Variants in CD109 observed in about 807,000 individuals in gnomAD.
The protein encoded by CD109 is CD109 molecule.
CD109 carries 149 observed loss-of-function variants against 165.8 expected under a neutral mutation model. The observed-to-expected ratio is 0.90, with a 90% confidence interval of 0.79 to 1.03. The LOEUF is 1.03. Ranked by LOEUF, CD109 falls within the 50% of genes least tolerant of loss-of-function variation. CD109 has a pLI of 0.00. For missense variants in CD109, 1,712 were observed against 1,677.8 expected (o/e 1.02, Z -0.36); for synonymous variants, 585 against 592.1 (o/e 0.99, Z 0.18).
chr6:73,708,330 AT>A (rs956820420), intron 2 of CD109, among the ~76,000 whole-genome samples: 2 of 152,132 alleles, frequency 1.3e-5, no homozygotes, highest in African/African-American at 4.8e-5. Context: ...ACATGAACTC[AT>A]CATTTTTTAT....
At chr6:73,745,396 T>C (rs1267594578) in intron 5 of CD109, among the ~76,000 whole-genome samples, 1 of 152,194 alleles carries the variant, frequency 6.6e-6, no homozygotes, top group Non-Finnish European at 1.5e-5. Flanking sequence ...TGAGTCATCA[T>C]GCCTGGCCAG....
upstream of CD109, among the ~76,000 whole-genome samples, chr6:73,693,622 C>T (rs1030883225): frequency 6.6e-6 from 1 of 152,232 alleles, no homozygotes; most frequent in African/African-American, 2.4e-5. Context: ...ACCATCTTGG[C>T]TCACTGCAGC....
chr6:73,728,962 C>T (rs1772242637), intron 3 of CD109, among the ~76,000 whole-genome samples: 1 of 152,180 alleles, frequency 6.6e-6, no homozygotes, highest in Non-Finnish European at 1.5e-5. Flanking sequence ...TTTGGAGTCT[C>T]ACGAGGTTGC....
intron 15 of CD109, among the ~76,000 whole-genome samples, chr6:73,773,306 G>T (rs920853916): frequency 2.0e-5 from 3 of 151,032 alleles, no homozygotes; most frequent in African/African-American, 7.3e-5. Context: ...TATTTTCCTG[G>T]TGTATTTTTA....
At chr6:73,740,252 CA>C (rs1772721439) in intron 5 of CD109, among the ~76,000 whole-genome samples, 1 of 152,174 alleles carries the variant, frequency 6.6e-6, no homozygotes, top group Non-Finnish European at 1.5e-5. Context: ...CACTGATGGA[CA>C]ATCTCTTTAA....
At chr6:73,695,830 A>T (rs535698880), upstream of CD109, 595 of 268,766 alleles carry the variant, frequency 2.2e-3, no homozygotes, top group Non-Finnish European at 3.2e-3. Flanking sequence ...CTGTTTACTC[A>T]CCCTGGGCAT....
intron 23 of CD109, 25 bp from the exon 24 acceptor site, chr6:73,803,195 A>G (rs1775433677): frequency 1.3e-6 from 2 of 1,506,032 alleles, no homozygotes; most frequent in Non-Finnish European, 1.8e-6. Flanking sequence ...GATTACTTTG[A>G]CTATCTGTCT....
chr6:73,702,733 A>G (rs1318266315), intron 2 of CD109, among the ~76,000 whole-genome samples: 2 of 152,204 alleles, frequency 1.3e-5, no homozygotes, highest in Non-Finnish European at 2.9e-5. Flanking sequence ...CTTCAGTTTC[A>G]TCATCTGAAA....
chr6:73,768,764 A>G (rs894563985), intron 14 of CD109, among the ~76,000 whole-genome samples: 14 of 152,190 alleles, frequency 9.2e-5, no homozygotes, highest in African/African-American at 3.4e-4. Context: ...TTTATAGCCT[A>G]ATGTGACCAG....
chr6:73,767,289 T>C (rs570709855), intron 13 of CD109, among the ~76,000 whole-genome samples: 85 of 152,330 alleles, frequency 5.6e-4, no homozygotes, highest in African/African-American at 2.0e-3. Context: ...TGTGCACTTA[T>C]AAGTGAGAAT....
chr6:73,770,428 A>G (rs542224022), intron 14 of CD109, among the ~76,000 whole-genome samples: 29 of 152,288 alleles, frequency 1.9e-4, no homozygotes, highest in African/African-American at 7.0e-4. Flanking sequence ...CAGAATGTTG[A>G]GATAGAGCTA....
chr6:73,774,223 C>A (rs140250678), intron 15 of CD109, among the ~76,000 whole-genome samples: 1 of 152,280 alleles, frequency 6.6e-6, no homozygotes. Context: ...TGTCTTACTT[C>A]TACAGTATTT....
In CD109 at chr6:73,788,541, T is replaced by C. The variant is rs762891922; in HGVS notation, c.2630T>C (p.Leu877Pro). ...DLTDNRLQST[L>P]KTLSFSFPPN... Reference sequence around the variant, plus strand: ...ACTGACAATAGGCTACAGAGTACCCTGAAAACTTTGAGTTTCTCATTTCCT... The same window carrying C: ...ACTGACAATAGGCTACAGAGTACCCCGAAAACTTTGAGTTTCTCATTTCCT... Residue 877 changes from leucine to proline, a missense_variant, in exon 22 of 33, where the codon CTG (leucine) becomes CCG (proline). Leu to Pro is a moderately conservative substitution (Grantham distance 98). Coordinates refer to ENST00000287097, the MANE Select transcript of CD109 (RefSeq NM_133493.5). 1.9e-6 allele frequency: 3 copies of C among 1,613,340 alleles called. No individual in the cohort carries two copies. The highest frequency in any genetic ancestry group is 2.2e-5 in the South Asian group (2 of 90,956).
At chr6:73,727,391 A>G (rs1485306035) in intron 3 of CD109, among the ~76,000 whole-genome samples, 1 of 152,130 alleles carries the variant, frequency 6.6e-6, no homozygotes, top group Non-Finnish European at 1.5e-5. Flanking sequence ...CCTGGGACTA[A>G]CACTGAGTCT....
At chr6:73,762,161 C>T (rs1773660174) in intron 7 of CD109, among the ~76,000 whole-genome samples, 1 of 151,962 alleles carries the variant, frequency 6.6e-6, no homozygotes, top group Non-Finnish European at 1.5e-5. Flanking sequence ...CAGGGTTTCA[C>T]TATGTTGGCC....
At chr6:73,690,490 C>T in the CD109 span, among the ~76,000 whole-genome samples, 1 of 151,900 alleles carries the variant, frequency 6.6e-6, no homozygotes, top group African/African-American at 2.4e-5. Flanking sequence ...CAACCTCCGC[C>T]TCCCAGGTTC....
At chr6:73,771,010 C>T (rs1171955878) in intron 14 of CD109, among the ~76,000 whole-genome samples, 2 of 152,130 alleles carry the variant, frequency 1.3e-5, no homozygotes, top group Non-Finnish European at 2.9e-5. Flanking sequence ...CCCCGAGGAG[C>T]TCTCCTTGCC....
chr6:73,734,068 T>G (rs955083922), intron 4 of CD109, among the ~76,000 whole-genome samples: 3 of 152,242 alleles, frequency 2.0e-5, no homozygotes, highest in African/African-American at 7.2e-5. Context: ...GATGGCCGCA[T>G]GCAAATGCTG....
chr6:73,742,019 A>G (rs556667623), intron 5 of CD109, among the ~76,000 whole-genome samples: 1 of 152,294 alleles, frequency 6.6e-6, no homozygotes, highest in African/African-American at 2.4e-5. Flanking sequence ...TAAAATACAC[A>G]TAACGTAAAA....
Sources: gnomAD v4.1 joint callset for allele counts (sites outside exome capture counted in the v4.1 genomes callset) on GRCh38, gnomAD v4.1.1 for gene constraint, MANE v1.5 for transcripts, NCBI Gene and HGNC (gene_info 2026-07-23, HGNC 2026-07-21) for gene names.